Variants in FAM222A observed in about 807,000 individuals in gnomAD.
FAM222A encodes the protein protein FAM222A.
Under a neutral mutation model 25.8 loss-of-function variants are expected in FAM222A, and 7 were observed. That is an observed-to-expected ratio of 0.27 (90% confidence interval 0.15 to 0.51). FAM222A has a LOEUF of 0.51. Ranked by LOEUF, FAM222A falls within the 20% of genes least tolerant of loss-of-function variation. FAM222A has a pLI of 0.97. For missense variants in FAM222A, 573 were observed against 640.5 expected (o/e 0.89, Z 1.14); for synonymous variants, 294 against 298.8 (o/e 0.98, Z 0.17).
At chr12:109,718,507 T>A (rs1024494387) in intron 1 of FAM222A, among the ~76,000 whole-genome samples, 1 of 151,620 alleles carries the variant, frequency 6.6e-6, no homozygotes, top group Admixed American at 6.6e-5. Flanking sequence ...GGGGCGGGGG[T>A]GAGAACGAGG....
intron 2 of FAM222A, among the ~76,000 whole-genome samples, chr12:109,760,729 C>T (rs1888867444): frequency 2.6e-5 from 4 of 152,206 alleles, no homozygotes; most frequent in Non-Finnish European, 1.5e-5. Context: ...ACAAGGACTG[C>T]GGAAGGGCAA....
At chr12:109,739,678 C>T (rs969264036) in intron 1 of FAM222A, among the ~76,000 whole-genome samples, 1 of 152,230 alleles carries the variant, frequency 6.6e-6, no homozygotes, top group Non-Finnish European at 1.5e-5. Context: ...CAGACCCTTG[C>T]TTCCATCCCT....
intron 1 of FAM222A, among the ~76,000 whole-genome samples, chr12:109,730,188 C>T (rs1485467215): frequency 1.3e-5 from 2 of 152,168 alleles, no homozygotes; most frequent in Non-Finnish European, 2.9e-5. Flanking sequence ...CCCTACAGGC[C>T]GAGGGGCTGT....
intron 2 of FAM222A, among the ~76,000 whole-genome samples, chr12:109,747,490 C>T (rs529472398): frequency 1.4e-4 from 22 of 152,166 alleles, no homozygotes; most frequent in Non-Finnish European, 2.1e-4. Flanking sequence ...CTTGTCTGAA[C>T]TATAGAATCA....
chr12:109,759,968 C>A (rs1012190082), intron 2 of FAM222A, among the ~76,000 whole-genome samples: 1 of 152,128 alleles, frequency 6.6e-6, no homozygotes, highest in Non-Finnish European at 1.5e-5. Context: ...GGGGGTCCTA[C>A]GAGGGCACGT....
chr12:109,746,488 CAAA>C lies in FAM222A; in HGVS notation c.82+2266_82+2268del, dbSNP rs959061232. Among the ~76,000 whole-genome samples the C allele has an allele frequency of 2.0e-5, 3 of 147,072 alleles. No individual in the cohort carries two copies. In the East Asian group the frequency reaches 5.9e-4, roughly 29 times the overall value. On this transcript the variant is annotated intron_variant, in intron 2 of 2. Transcript: ENST00000538780. Reference sequence around the variant, plus strand: ...TGGGCAACAGAGTGAGACTTGGTCTCAAAAAAAACAAAAAAAAAAGTATGCTCT... The same window carrying C: ...TGGGCAACAGAGTGAGACTTGGTCTCAAAAACAAAAAAAAAAGTATGCTCT...
At chr12:109,752,540 C>G (rs1462666817) in intron 2 of FAM222A, among the ~76,000 whole-genome samples, 1 of 152,214 alleles carries the variant, frequency 6.6e-6, no homozygotes, top group Non-Finnish European at 1.5e-5. Context: ...TGGGGCCATG[C>G]TGTGTTTTCA....
chr12:109,768,656 G>C lies in FAM222A; in HGVS notation c.727G>C (p.Ala243Pro), dbSNP rs201105798. 1 of 1,598,952 alleles carries C rather than the reference G, an allele frequency of 6.3e-7. No homozygotes were observed. Among genetic ancestry groups the C allele is most frequent in the Non-Finnish European group, 8.5e-7 (1 of 1,178,364 alleles). Residue 243 changes from alanine (A) to proline (P), a missense_variant, in exon 3 of 3, where the codon GCC becomes CCC. This residue lies in a region of FAM222A where 412 missense variants were observed against 407.0 expected (regional missense o/e 1.01). Transcript: ENST00000538780. ...CCCAGTGCCCAGCTTCCCCAGCATG[G>C]CCTACTCGGCTGCAGCCGGTCTGCC... ...HGPVPSFPSM[A>P]YSAAAGLPDC...
chr12:109,753,562 G>A (rs540519078), intron 2 of FAM222A, among the ~76,000 whole-genome samples: 11 of 152,172 alleles, frequency 7.2e-5, no homozygotes, highest in South Asian at 2.1e-4. Flanking sequence ...CCCATCCCGG[G>A]GGGGGGAGCC....
At chr12:109,745,096 G>A (rs1050213970) in intron 2 of FAM222A, among the ~76,000 whole-genome samples, 4 of 152,144 alleles carry the variant, frequency 2.6e-5, no homozygotes, top group Admixed American at 6.5e-5. Context: ...GGAAGGAAGG[G>A]GTATATAGAC....
At chr12:109,750,687 A>G (rs894760621) in intron 2 of FAM222A, among the ~76,000 whole-genome samples, 2 of 151,850 alleles carry the variant, frequency 1.3e-5, no homozygotes, top group Non-Finnish European at 2.9e-5. Flanking sequence ...CCTCTAGTAT[A>G]TTCCTTAAGA....
At chr12:109,741,455 G>T (rs993921238) in intron 1 of FAM222A, among the ~76,000 whole-genome samples, 2 of 152,178 alleles carry the variant, frequency 1.3e-5, no homozygotes, top group African/African-American at 4.8e-5. Flanking sequence ...TCCACCATAA[G>T]AGCACGCTGA....
At chr12:109,718,359 T>A (rs1341832352) in intron 1 of FAM222A, among the ~76,000 whole-genome samples, 1 of 126,412 alleles carries the variant, frequency 7.9e-6, no homozygotes, top group Admixed American at 1.0e-4. Flanking sequence ...CTGCGGGGGC[T>A]GGGACTTGGC....
At chr12:109,756,603 T>C (rs186029542) in intron 2 of FAM222A, among the ~76,000 whole-genome samples, 165 of 152,324 alleles carry the variant, frequency 1.1e-3, no homozygotes, top group African/African-American at 3.8e-3. Flanking sequence ...CTGTGTCTAT[T>C]GGGATGAAGA....
At chr12:109,726,040 C>T (rs888321247) in intron 1 of FAM222A, among the ~76,000 whole-genome samples, 8 of 149,642 alleles carry the variant, frequency 5.3e-5, no homozygotes, top group Admixed American at 2.7e-4. Flanking sequence ...ATGGGTCAGG[C>T]TGCTGGCCTG....
intron 1 of FAM222A, chr12:109,742,118 CAT>C (rs1317315237): frequency 6.6e-6 from 1 of 152,462 alleles, no homozygotes; most frequent in East Asian, 1.9e-4. Context: ...CCAGATTGCA[CAT>C]GATTGTGAGT....
At chr12:109,748,754 T>C (rs1006018210) in intron 2 of FAM222A, among the ~76,000 whole-genome samples, 5 of 152,190 alleles carry the variant, frequency 3.3e-5, no homozygotes, top group African/African-American at 1.2e-4. Context: ...CTGTTTTTCT[T>C]CATTAGGTTA....
intron 2 of FAM222A, among the ~76,000 whole-genome samples, chr12:109,747,037 C>G (rs1327670597): frequency 1.3e-5 from 2 of 152,168 alleles, no homozygotes; most frequent in Non-Finnish European, 2.9e-5. Context: ...CATGTCAGCA[C>G]TCAAAAAGTT....
intron 1 of FAM222A, among the ~76,000 whole-genome samples, chr12:109,731,768 T>C (rs978594000): frequency 6.6e-6 from 1 of 151,986 alleles, no homozygotes; most frequent in African/African-American, 2.4e-5. Context: ...GTTCTGGGTG[T>C]GTGGAGGGGT....
Sources: allele counts gnomAD v4.1 joint callset (sites outside exome capture counted in the v4.1 genomes callset), GRCh38; gene constraint gnomAD v4.1.1; regional missense constraint gnomAD v4.1.1; transcripts MANE v1.5; gene names NCBI Gene and HGNC (gene_info 2026-07-23, HGNC 2026-07-21).